Variants in HNRNPUL1 observed in about 807,000 individuals in gnomAD.
The protein encoded by HNRNPUL1 is heterogeneous nuclear ribonucleoprotein U like 1, also known as heterogeneous nuclear ribonucleoprotein U-like protein 1.
In HNRNPUL1, 14 loss-of-function variants were observed where a neutral mutation model predicts 108.5. That is an observed-to-expected ratio of 0.13 (90% CI 0.09 to 0.20). The LOEUF is 0.20. Ranked by LOEUF, HNRNPUL1 falls within the 10% of genes least tolerant of loss-of-function variation. The pLI, the probability that HNRNPUL1 is intolerant of heterozygous loss-of-function variation, is 1.00. For missense variants in HNRNPUL1, 804 were observed against 1,168.3 expected, an observed-to-expected ratio of 0.69 and a Z score of 4.55; for synonymous variants, 422 against 445.2, an observed-to-expected ratio of 0.95 and a Z score of 0.66.
In HNRNPUL1 at chr19:41,304,134, C is replaced by A. The variant is rs749401440; in HGVS notation, c.2135C>A (p.Pro712Gln). 4.3e-6 allele frequency: 7 copies of A among 1,614,080 alleles called. No homozygotes were observed. In the Admixed American group the frequency reaches 1.2e-4, roughly 27 times the overall value. Residue 712 changes from proline to glutamine, a missense_variant, in exon 13 of 15, where the codon CCG becomes CAG. Around this residue, in one of 4 missense-constraint regions of HNRNPUL1, gnomAD observed 294 missense variants for 388.3 expected, o/e 0.76. Coordinates refer to ENST00000392006, the MANE Select transcript of HNRNPUL1 (RefSeq NM_007040.6). ...CCACAGCCACCACCCCAGCAGCCACCGCCACCACCCAGCTACAGCCCTGCT... is the reference window on the plus strand; with the variant it reads ...CCACAGCCACCACCCCAGCAGCCACAGCCACCACCCAGCTACAGCCCTGCT... Reference protein sequence around the residue: ...PPPQPPPQQPPPPPSYSPARN... With the variant: ...PPPQPPPQQPQPPPSYSPARN...
rs779069653 is a variant in HNRNPUL1, at chr19:41,304,029, G to A, written c.2030G>A (p.Arg677Gln). 29 of 1,613,908 alleles carry A rather than the reference G, an allele frequency of 1.8e-5. No homozygotes were observed. Among genetic ancestry groups the A allele is most frequent in the East Asian group, 2.2e-5 (1 of 44,888 alleles). Reference sequence around the variant, plus strand: ...CAGAACCGCTGGGGTAACAACAACCGGGATAACAACAACTCCAACAACAGA... The same window carrying A: ...CAGAACCGCTGGGGTAACAACAACCAGGATAACAACAACTCCAACAACAGA... ...YSQNRWGNNNRDNNNSNNRGS... is the reference protein window; with the variant it reads ...YSQNRWGNNNQDNNNSNNRGS... Residue 677 changes from arginine to glutamine, a missense_variant, in exon 13 of 15, where the codon CGG becomes CAG. Physicochemically the swap from Arg to Gln is conservative, Grantham distance 43 (BLOSUM62 1). Coordinates refer to ENST00000392006, the MANE Select transcript of HNRNPUL1 (RefSeq NM_007040.6).
chr19:41,305,747 T>TCCACCA lies in HNRNPUL1; in HGVS notation c.2340_2345dup (p.Pro781_Pro782dup). The TCCACCA allele has an allele frequency of 6.2e-7, 1 of 1,613,798 alleles. No individual in the cohort carries two copies. Among genetic ancestry groups the TCCACCA allele is most frequent in the Non-Finnish European group, 8.5e-7 (1 of 1,179,918 alleles). ...GCTACACAGCCCCACCGCCTCCACC[T>TCCACCA]CCACCACCACCTGCCTACAACTATG... On this transcript the variant is annotated inframe_insertion, in exon 14 of 15. Coordinates refer to ENST00000392006, the MANE Select transcript of HNRNPUL1 (RefSeq NM_007040.6).
intron 2 of HNRNPUL1, among the ~76,000 whole-genome samples, chr19:41,269,217 A>G (rs968866320): frequency 1.3e-5 from 2 of 151,816 alleles, no homozygotes; most frequent in South Asian, 2.1e-4. Flanking sequence ...TATAATTCCA[A>G]CACTTTGGGA....
At chr19:41,280,734 T>A (rs1329755415) in intron 6 of HNRNPUL1, among the ~76,000 whole-genome samples, 1 of 152,164 alleles carries the variant, frequency 6.6e-6, no homozygotes, top group East Asian at 1.9e-4. Context: ...ATCTAGTACC[T>A]TTCCCAGGGG....
chr19:41,301,954 G>A (rs185832707), intron 11 of HNRNPUL1, among the ~76,000 whole-genome samples: 9 of 152,330 alleles, frequency 5.9e-5, no homozygotes, highest in African/African-American at 1.9e-4. Flanking sequence ...GGGAGCTAAA[G>A]CTGAAAGTCC....
chr19:41,287,779 C>T (rs1265924537), intron 7 of HNRNPUL1, among the ~76,000 whole-genome samples: 6 of 152,060 alleles, frequency 3.9e-5, no homozygotes, highest in African/African-American at 9.7e-5. Context: ...AGGCTAGTCT[C>T]GAACTCCTGA....
At chr19:41,295,739 A>G (rs1568453775) in intron 10 of HNRNPUL1, among the ~76,000 whole-genome samples, 1 of 152,214 alleles carries the variant, frequency 6.6e-6, no homozygotes, top group Non-Finnish European at 1.5e-5. Context: ...ATGAGTTCAA[A>G]GGGCTCCTGA....
At chr19:41,306,017 G>A (rs2037524459) in intron 14 of HNRNPUL1, 150 bp downstream of exon 14, 2 of 626,674 alleles carry the variant, frequency 3.2e-6, no homozygotes, top group Non-Finnish European at 5.7e-6. Flanking sequence ...ATTCCATTTG[G>A]TCAACACTTC....
intron 3 of HNRNPUL1, chr19:41,272,446 G>A (rs919251379): frequency 3.9e-5 from 20 of 512,202 alleles, no homozygotes; most frequent in Non-Finnish European, 6.2e-5. Flanking sequence ...TTACCTGCAG[G>A]GTAACTTCTA....
In HNRNPUL1 at chr19:41,264,835, G is replaced by A. The variant is rs2034711461; in HGVS notation, c.295+37G>A. ...CGGGGCGGGGGCCGGGGAGCCCGGA[G>A]CCTGGGCCGAGGAAAGGGCTGTGGG... is the stretch of plus-strand genomic sequence containing the variant. On this transcript the variant is annotated intron_variant, in intron 1 of 14. Coordinates refer to ENST00000392006, the MANE Select transcript of HNRNPUL1 (RefSeq NM_007040.6). 8.9e-6 allele frequency: 12 copies of A among 1,343,448 alleles called. No homozygotes were observed. In the South Asian group the frequency reaches 1.1e-4, roughly 13 times the overall value. The allele number at this position is 1,343,448 out of a possible 1,614,324, so 83.2% of individuals were successfully genotyped here.
intron 7 of HNRNPUL1, among the ~76,000 whole-genome samples, chr19:41,287,437 G>C (rs1363828190): frequency 6.6e-6 from 1 of 152,112 alleles, no homozygotes; most frequent in African/African-American, 2.4e-5. Context: ...TCGTCCAGTT[G>C]AGTTTCTAGT....
chr19:41,277,448 C>T (rs946710672), intron 5 of HNRNPUL1, among the ~76,000 whole-genome samples: 2 of 152,186 alleles, frequency 1.3e-5, no homozygotes, highest in Non-Finnish European at 2.9e-5. Context: ...ATTTTATGTA[C>T]CTCTCATAGA....
At chr19:41,283,972 G>C (rs1449600640) in intron 7 of HNRNPUL1, among the ~76,000 whole-genome samples, 2 of 152,228 alleles carry the variant, frequency 1.3e-5, no homozygotes, top group Non-Finnish European at 2.9e-5. Context: ...CTCAATTGTT[G>C]CAAGTTTCTA....
At chr19:41,290,313 T>TA (rs1487250842) in intron 7 of HNRNPUL1, among the ~76,000 whole-genome samples, 2 of 152,090 alleles carry the variant, frequency 1.3e-5, no homozygotes, top group African/African-American at 4.8e-5. Context: ...GTTTTAAAAA[T>TA]ATAAATTTTA....
In HNRNPUL1 at chr19:41,306,617, G is replaced by T. The variant is rs548910950; in HGVS notation, c.*52G>T. The T allele has an allele frequency of 6.0e-6, 7 of 1,160,972 alleles. No individual in the cohort carries two copies. The highest frequency in any genetic ancestry group is 7.1e-6 in the Non-Finnish European group (6 of 840,666). The allele number at this position is 1,160,972 out of a possible 1,614,324, so 71.9% of individuals were successfully genotyped here. On this transcript the variant is annotated 3_prime_UTR_variant, in exon 15 of 15. Transcript: ENST00000392006. ...GCCCCTGCCGGCTTCCTCCACCAGC[G>T]CCTGCCTCGGCCCCTCCTCTGCCCC...
rs551340411 is a variant in HNRNPUL1 at position 41,306,625 on chromosome 19, C to T, written c.*60C>T. ...CGGCTTCCTCCACCAGCGCCTGCCTCGGCCCCTCCTCTGCCCCCGCCAGAT... is the reference window on the plus strand; with the variant it reads ...CGGCTTCCTCCACCAGCGCCTGCCTTGGCCCCTCCTCTGCCCCCGCCAGAT... On this transcript the variant is annotated 3_prime_UTR_variant, in exon 15 of 15. Coordinates refer to ENST00000392006, the MANE Select transcript of HNRNPUL1 (RefSeq NM_007040.6). 3.3e-3 allele frequency: 3,630 copies of T among 1,104,166 alleles called. 13 individuals carry two copies. Among genetic ancestry groups the T allele is most frequent in the Middle Eastern group, 5.2e-3 (20 of 3,842 alleles). 68.4% of individuals were successfully genotyped at this position (1,104,166 alleles called of 1,614,324 possible).
intron 1 of HNRNPUL1, among the ~76,000 whole-genome samples, chr19:41,267,324 G>A (rs943111027): frequency 6.6e-6 from 1 of 152,192 alleles, no homozygotes; most frequent in Non-Finnish European, 1.5e-5. Context: ...GAACACAGGA[G>A]AGAGATGCTG....
At position 41,264,540 on chromosome 19, in the gene HNRNPUL1, G is replaced by A; in HGVS notation, c.37G>A (p.Glu13Lys). Residue 13 changes from glutamate (E) to lysine (K), a missense_variant, in exon 1 of 15, where the codon GAG becomes AAG. This residue lies in a region of HNRNPUL1 where 256 missense variants were observed against 261.6 expected (regional missense o/e 0.98). Transcript: ENST00000392006. Reference protein sequence around the residue: ...VRRLKVNELREELQRRGLDTR... With the variant: ...VRRLKVNELRKELQRRGLDTR... ...CCGTCTGAAGGTGAACGAACTTCGCGAGGAGCTGCAGCGCCGCGGCCTGGA... is the reference window on the plus strand; with the variant it reads ...CCGTCTGAAGGTGAACGAACTTCGCAAGGAGCTGCAGCGCCGCGGCCTGGA... The A allele has an allele frequency of 6.7e-7, 1 of 1,490,164 alleles. No individual in the cohort carries two copies. Among genetic ancestry groups the A allele is most frequent in the Non-Finnish European group, 8.9e-7 (1 of 1,122,224 alleles). The allele number at this position is 1,490,164 out of a possible 1,614,324, so 92.3% of individuals were successfully genotyped here.
intron 4 of HNRNPUL1, among the ~76,000 whole-genome samples, chr19:41,274,622 A>G (rs1326202407): frequency 6.6e-6 from 1 of 152,158 alleles, no homozygotes; most frequent in Non-Finnish European, 1.5e-5. Flanking sequence ...AGGAATTATT[A>G]TAAAGGTCCT....
Sources: allele counts gnomAD v4.1 joint callset (sites outside exome capture counted in the v4.1 genomes callset), GRCh38; gene constraint gnomAD v4.1.1; regional missense constraint gnomAD v4.1.1; transcripts MANE v1.5; gene names NCBI Gene and HGNC (gene_info 2026-07-23, HGNC 2026-07-21).